The following TANK variants were observed in gnomAD, a reference collection of about 807,000 sequenced individuals.
TANK encodes the protein TRAF family member associated NFKB activator.
A neutral mutation model predicts 43.6 loss-of-function variants in TANK; 15 were observed. That is an observed-to-expected ratio of 0.34 (90% CI 0.23 to 0.53). The LOEUF (loss-of-function observed/expected upper bound fraction) is 0.53, where lower values mean the gene tolerates loss of function less well. TANK is among the 20% of genes least tolerant of loss of function. TANK has a pLI of 0.94. For missense variants in TANK, 417 were observed against 498.6 expected (o/e 0.84, Z 1.56); for synonymous variants, 162 against 178.2 (o/e 0.91, Z 0.73).
chr2:161,225,865 A>G lies in TANK; in HGVS notation c.520+1119A>G, dbSNP rs988357601. ...ATTTTATTTTCAGAAAAGTTACACA[A>G]TGTGGTATTACAGAAACAAAATAAT... On this transcript the variant is annotated intron_variant, in intron 6 of 7. Transcript: ENST00000392749. Among the ~76,000 whole-genome samples, 2 of 152,282 alleles carry G rather than the reference A, an allele frequency of 1.3e-5. 1 individual carries two copies. Among genetic ancestry groups the G allele is most frequent in the South Asian group, 4.1e-4 (2 of 4,820 alleles).
At chr2:161,219,251 G>A (rs1289036687) in intron 4 of TANK, among the ~76,000 whole-genome samples, 3 of 152,210 alleles carry the variant, frequency 2.0e-5, no homozygotes, top group Non-Finnish European at 4.4e-5. Context: ...TTGTAGCATT[G>A]AATCAGTAGA....
At chr2:161,180,163 C>A in intron 2 of TANK, 2 of 958,400 alleles carry the variant, frequency 2.1e-6, no homozygotes, top group Non-Finnish European at 2.5e-6. Flanking sequence ...CTTTTCAAAT[C>A]TTAAAATATT....
At chr2:161,208,000 A>G (rs1334145980) in intron 4 of TANK, 7 of 810,952 alleles carry the variant, frequency 8.6e-6, no homozygotes, top group Non-Finnish European at 1.0e-5. Flanking sequence ...TTAGTAAGTT[A>G]ATAGAAATGC....
At chr2:161,212,859 C>T (rs1299467966) in intron 4 of TANK, 1 of 757,484 alleles carries the variant, frequency 1.3e-6, no homozygotes, top group Non-Finnish European at 1.6e-6. Context: ...AAAGGAATAC[C>T]TGAGGCTGGG....
intron 1 of TANK, among the ~76,000 whole-genome samples, chr2:161,169,609 T>C (rs1684853604): frequency 6.6e-6 from 1 of 152,150 alleles, no homozygotes; most frequent in Non-Finnish European, 1.5e-5. Flanking sequence ...TTAGTCAAAA[T>C]TTGTTGCGAA....
intron 1 of TANK, among the ~76,000 whole-genome samples, chr2:161,147,492 C>T (rs1683949561): frequency 6.6e-6 from 1 of 152,148 alleles, no homozygotes; most frequent in South Asian, 2.1e-4. Flanking sequence ...TGCACAGTTC[C>T]ATGAAAAAAG....
chr2:161,219,985 C>T (rs3769970), intron 4 of TANK: 19,296 of 213,264 alleles, frequency 0.09, 1,739 homozygotes, highest in African/African-American at 0.25. Context: ...CCTTGGCTTA[C>T]TTCTTGGTTT....
At chr2:161,175,381 C>T (rs1558974912) in intron 1 of TANK, among the ~76,000 whole-genome samples, 1 of 152,010 alleles carries the variant, frequency 6.6e-6, no homozygotes, top group Non-Finnish European at 1.5e-5. Context: ...CCTTCTGAGC[C>T]TTATCAGTCA....
intron 2 of TANK, among the ~76,000 whole-genome samples, chr2:161,190,238 G>T (rs190872232): frequency 2.2e-4 from 33 of 152,284 alleles, no homozygotes; most frequent in African/African-American, 7.7e-4. Context: ...CTATTCATTA[G>T]TAAAACCACA....
Position 161,231,570 on chromosome 2 carries a change from C to G in TANK, c.1101+19C>G. 1 of 1,596,544 alleles carries G rather than the reference C, an allele frequency of 6.3e-7. No homozygotes were observed. Among genetic ancestry groups the G allele is most frequent in the Non-Finnish European group, 8.5e-7 (1 of 1,169,892 alleles). ...ACAGCAGGTAACTGTTTTGCATTAA[C>G]AAATATATTATTATGTGTGAACACA... On this transcript the variant is annotated intron_variant, in intron 7 of 7. Coordinates refer to ENST00000392749, the MANE Select transcript of TANK (RefSeq NM_001199135.3).
intron 1 of TANK, among the ~76,000 whole-genome samples, chr2:161,151,518 T>C (rs1684080689): frequency 6.6e-6 from 1 of 152,192 alleles, no homozygotes; most frequent in Non-Finnish European, 1.5e-5. Flanking sequence ...CAATACATAA[T>C]ATCCTTCTTT....
intron 2 of TANK, among the ~76,000 whole-genome samples, chr2:161,188,451 CACTA>C (rs1348674957): frequency 2.0e-5 from 3 of 152,064 alleles, no homozygotes; most frequent in Non-Finnish European, 4.4e-5. Context: ...CCTAGAAACA[CACTA>C]ACTACTAAGA....
chr2:161,233,040 AGCTAGT>A, intron 7 of TANK: 1 of 585,494 alleles, frequency 1.7e-6, no homozygotes, highest in Non-Finnish European at 2.8e-6. Context: ...GTATTAATAA[AGCTAGT>A]ATTATGCAAG....
intron 1 of TANK, chr2:161,162,884 G>A (rs1377957640): frequency 6.6e-6 from 1 of 152,068 alleles, no homozygotes; most frequent in East Asian, 1.9e-4. Flanking sequence ...ATGGAAGTTG[G>A]ATTTTGTCAA....
intron 1 of TANK, among the ~76,000 whole-genome samples, chr2:161,168,119 G>T (rs928524841): frequency 1.3e-5 from 2 of 152,116 alleles, no homozygotes; most frequent in Non-Finnish European, 2.9e-5. Flanking sequence ...CTTCAAGAGG[G>T]TCATTTAGTT....
chr2:161,203,139 A>G (rs3769974), intron 2 of TANK, among the ~76,000 whole-genome samples: 17,414 of 152,078 alleles, frequency 0.11, 1,727 homozygotes, highest in African/African-American at 0.26. Context: ...TCACTTTAAT[A>G]TAGCATCTGT....
intron 1 of TANK, among the ~76,000 whole-genome samples, chr2:161,168,755 T>C (rs898109696): frequency 6.6e-6 from 1 of 152,048 alleles, no homozygotes; most frequent in African/African-American, 2.4e-5. Flanking sequence ...ATCGCTTGAA[T>C]CCCGGAGGTG....
intron 4 of TANK, among the ~76,000 whole-genome samples, chr2:161,221,662 C>CTT (rs75309944): frequency 2.8e-5 from 4 of 140,852 alleles, no homozygotes; most frequent in Non-Finnish European, 6.2e-5. Context: ...AAACCGTTTA[C>CTT]TTTTTTTTTT....
chr2:161,163,973 T>A (rs1255788774), intron 1 of TANK, among the ~76,000 whole-genome samples: 1 of 152,194 alleles, frequency 6.6e-6, no homozygotes, highest in Non-Finnish European at 1.5e-5. Context: ...CTGAGACAGG[T>A]AATGTAATTT....
Sources: gnomAD v4.1 joint callset for allele counts (sites outside exome capture counted in the v4.1 genomes callset) on GRCh38, gnomAD v4.1.1 for gene constraint, MANE v1.5 for transcripts, NCBI Gene and HGNC (gene_info 2026-07-23, HGNC 2026-07-21) for gene names.